RNF220: variants seen among roughly 807,000 people sequenced by gnomAD.
The protein encoded by RNF220 is E3 ubiquitin-protein ligase RNF220.
RNF220 carries 7 observed loss-of-function variants against 67.1 expected under a neutral mutation model. The observed-to-expected ratio is 0.10, with a 90% CI of 0.06 to 0.20. RNF220 has a LOEUF of 0.20. Among genes scored for constraint, RNF220 ranks in the 10% least tolerant of loss-of-function variants. The probability of loss-of-function intolerance (pLI) is 1.00; values close to 1 mark genes in which losing one functional copy is unlikely to be tolerated. For missense variants in RNF220, 565 were observed against 740.3 expected, an observed-to-expected ratio of 0.76 and a Z score of 2.75; for synonymous variants, 270 against 283.2, an observed-to-expected ratio of 0.95 and a Z score of 0.47.
intron 2 of RNF220, among the ~76,000 whole-genome samples, chr1:44,471,202 G>T (rs1654772980): frequency 6.6e-6 from 1 of 152,170 alleles, no homozygotes; most frequent in Non-Finnish European, 1.5e-5. Context: ...GAGGCTGGTG[G>T]ATCACCTGAG....
chr1:44,495,158 A>G (rs1301047265), intron 2 of RNF220, among the ~76,000 whole-genome samples: 2 of 152,098 alleles, frequency 1.3e-5, no homozygotes, highest in African/African-American at 4.8e-5. Context: ...GGCTGCAATG[A>G]GCCATGATCA....
At chr1:44,476,660 C>T (rs1347097423) in intron 2 of RNF220, among the ~76,000 whole-genome samples, 1 of 152,138 alleles carries the variant, frequency 6.6e-6, no homozygotes, top group Non-Finnish European at 1.5e-5. Flanking sequence ...AGGGAGGAAG[C>T]TTGAGAGAGC....
At chr1:44,423,722 C>G in intron 2 of RNF220, 1 of 420,546 alleles carries the variant, frequency 2.4e-6, no homozygotes. Flanking sequence ...TGACAGGTCT[C>G]AGGGCCTAGA....
intron 2 of RNF220, among the ~76,000 whole-genome samples, chr1:44,418,007 G>C (rs55908579): frequency 0.19 from 28,198 of 151,950 alleles, 2,764 homozygotes; most frequent in South Asian, 0.25. Context: ...CCCCCGCCCT[G>C]CCCCGCCTCG....
chr1:44,591,905 G>A (rs550501024), intron 2 of RNF220, among the ~76,000 whole-genome samples: 68 of 151,666 alleles, frequency 4.5e-4, no homozygotes, highest in African/African-American at 1.5e-3. Flanking sequence ...CTCCACCTCC[G>A]AGCCCTGACC....
At chr1:44,504,215 A>G (rs1050388104) in intron 2 of RNF220, among the ~76,000 whole-genome samples, 3 of 152,194 alleles carry the variant, frequency 2.0e-5, no homozygotes, top group African/African-American at 7.2e-5. Flanking sequence ...ATGCTGATCA[A>G]TGTTGCCACC....
At chr1:44,616,676 A>T (rs1179560511) in intron 3 of RNF220, among the ~76,000 whole-genome samples, 6 of 151,792 alleles carry the variant, frequency 4.0e-5, no homozygotes, top group Non-Finnish European at 8.8e-5. Flanking sequence ...TGGGTTCCAT[A>T]TTTTGGCTGT....
intron 8 of RNF220, among the ~76,000 whole-genome samples, chr1:44,639,560 C>A (rs569696482): frequency 7.0e-4 from 106 of 152,286 alleles, no homozygotes; most frequent in African/African-American, 2.4e-3. Context: ...AGCATGAAGC[C>A]CCTCTGAACC....
At chr1:44,607,793 G>A (rs1426875962) in intron 2 of RNF220, among the ~76,000 whole-genome samples, 2 of 151,908 alleles carry the variant, frequency 1.3e-5, no homozygotes, top group South Asian at 2.1e-4. Context: ...CCGGCCAAAT[G>A]TGCTGTTTTC....
At chr1:44,636,523 A>G (rs963344778) in intron 8 of RNF220, 11 of 700,414 alleles carry the variant, frequency 1.6e-5, no homozygotes, top group African/African-American at 3.5e-5. Flanking sequence ...CTGATAAATG[A>G]GAATCCAGCA....
chr1:44,589,193 C>T (rs1558070344), intron 2 of RNF220, among the ~76,000 whole-genome samples: 2 of 152,224 alleles, frequency 1.3e-5, no homozygotes, highest in African/African-American at 2.4e-5. Context: ...GGAAGCTATA[C>T]AGTGAGACAG....
At chr1:44,629,738 G>A (rs1644060706) in intron 5 of RNF220, among the ~76,000 whole-genome samples, 1 of 152,176 alleles carries the variant, frequency 6.6e-6, no homozygotes, top group Non-Finnish European at 1.5e-5. Flanking sequence ...ACAGTAGAAG[G>A]AGGAGAAAAT....
chr1:44,412,708 A>G lies in RNF220; in HGVS notation c.611A>G (p.Asp204Gly). ...SDREASSSPE[D>G]RNDRCKKKAA... ...CGGGAAGCCTCATCTAGCCCAGAGG[A>G]TCGGAATGACAGATGTAAGTACTTT... The change falls in exon 2 of 15, where the codon GAT becomes GGT. Residue 204 changes from aspartate (D) to glycine (G), a missense_variant. Coordinates refer to ENST00000361799, the MANE Select transcript of RNF220 (RefSeq NM_018150.4). This position sits in a 1 kb window ranked among gnomAD's most constrained non-coding sequence, Gnocchi z 5.3. 1 of 1,613,928 alleles carries G rather than the reference A, an allele frequency of 6.2e-7. No individual in the cohort carries two copies. The highest frequency in any genetic ancestry group is 8.5e-7 in the Non-Finnish European group (1 of 1,179,900).
intron 5 of RNF220, chr1:44,631,979 G>GGCCGCCGCCGCCGCTTGGAGCTGAAGT (rs1557459626): frequency 1.7e-5 from 17 of 1,001,720 alleles, no homozygotes; most frequent in Middle Eastern, 4.9e-4. Context: ...GGGCCAACAT[G>GGCCGCCGCCGCCGCTTGGAGCTGAAGT]GCCGCCGCCG....
At chr1:44,611,761 C>G (rs931073627) in intron 2 of RNF220, among the ~76,000 whole-genome samples, 1 of 152,124 alleles carries the variant, frequency 6.6e-6, no homozygotes, top group African/African-American at 2.4e-5. Flanking sequence ...TCCTCGAGGC[C>G]AAGGATGCAT....
At chr1:44,567,939 C>A (rs1168681761) in intron 2 of RNF220, among the ~76,000 whole-genome samples, 1 of 152,130 alleles carries the variant, frequency 6.6e-6, no homozygotes, top group African/African-American at 2.4e-5. Flanking sequence ...TCCCATTGAC[C>A]CTCAGGCTCC....
chr1:44,644,570 C>T, intron 8 of RNF220, 128 bp from the exon 9 acceptor site: 1 of 664,192 alleles, frequency 1.5e-6, no homozygotes, highest in South Asian at 1.8e-5. Context: ...TGGCTCTATA[C>T]ATCCCAGGCC....
intron 2 of RNF220, among the ~76,000 whole-genome samples, chr1:44,561,382 C>T (rs1025116037): frequency 2.0e-5 from 3 of 152,140 alleles, no homozygotes; most frequent in Admixed American, 6.5e-5. Context: ...TGGTGGCCGG[C>T]GCCTGTAATC....
chr1:44,635,352 C>A, intron 6 of RNF220, 193 bp from the exon 7 acceptor site: 1 of 723,640 alleles, frequency 1.4e-6, no homozygotes, highest in Non-Finnish European at 2.2e-6. Flanking sequence ...GCACCAGTCT[C>A]CTCCCCAGGT....
Sources: allele counts gnomAD v4.1 joint callset (sites outside exome capture counted in the v4.1 genomes callset), GRCh38; gene constraint gnomAD v4.1.1; non-coding constraint Gnocchi (gnomAD v3.1); transcripts MANE v1.5; gene names NCBI Gene and HGNC (gene_info 2026-07-23, HGNC 2026-07-21).